ANO4: variants seen among roughly 807,000 people sequenced by gnomAD.
ANO4 encodes the protein anoctamin-4.
ANO4 carries 69 observed loss-of-function variants against 141.9 expected under a neutral mutation model. The observed-to-expected ratio is 0.49, with a 90% confidence interval of 0.40 to 0.59. The LOEUF (loss-of-function observed/expected upper bound fraction) is 0.59. Among genes scored for constraint, ANO4 ranks in the 20% least tolerant of loss-of-function variants. The pLI is 0.00. For synonymous variants in ANO4, 350 were observed against 394.3 expected (o/e 0.89, Z 1.33); for missense variants, 894 against 1,162.2 (o/e 0.77, Z 3.36).
intron 3 of ANO4, among the ~76,000 whole-genome samples, chr12:100,935,149 A>G (rs2042233399): frequency 1.3e-5 from 2 of 152,168 alleles, no homozygotes; most frequent in South Asian, 4.1e-4. Flanking sequence ...GTGGTGAGAG[A>G]GGGCATCCTT....
At chr12:100,897,328 AG>A (rs1378354332) in intron 1 of ANO4, among the ~76,000 whole-genome samples, 1 of 152,248 alleles carries the variant, frequency 6.6e-6, no homozygotes, top group Non-Finnish European at 1.5e-5. Flanking sequence ...TTCTGACCTC[AG>A]GGAGCCTAGG....
At chr12:100,802,312 A>T (rs182269075) in intron 1 of ANO4, among the ~76,000 whole-genome samples, 78 of 152,340 alleles carry the variant, frequency 5.1e-4, no homozygotes, top group Non-Finnish European at 8.4e-4. Flanking sequence ...TAGGTGAAAA[A>T]GTGGCTTGGA....
intron 2 of ANO4, among the ~76,000 whole-genome samples, 176 bp downstream of exon 2, chr12:100,902,016 A>G (rs1030946237): frequency 2.0e-5 from 3 of 152,248 alleles, no homozygotes; most frequent in African/African-American, 7.2e-5. Flanking sequence ...ACCAAGACGA[A>G]TAAGAGGGGA....
chr12:100,974,707 T>G, intron 6 of ANO4, 138 bp from the exon 7 acceptor site: 1 of 883,844 alleles, frequency 1.1e-6, no homozygotes, highest in East Asian at 2.4e-5. Flanking sequence ...TATTTCTCAC[T>G]GTTAATCTCT....
intron 1 of ANO4, among the ~76,000 whole-genome samples, chr12:100,832,082 G>C (rs1484786595): frequency 6.6e-6 from 1 of 152,002 alleles, no homozygotes; most frequent in African/African-American, 2.4e-5. Context: ...CCAGTTTCAG[G>C]TATGCACATG....
intron 13 of ANO4, among the ~76,000 whole-genome samples, chr12:101,046,179 T>G (rs1241107346): frequency 2.0e-5 from 3 of 152,244 alleles, no homozygotes; most frequent in Non-Finnish European, 4.4e-5. Flanking sequence ...CAAAGCAGAA[T>G]TGGGCACTTT....
At chr12:101,088,282 C>G (rs1207355808) in intron 17 of ANO4, among the ~76,000 whole-genome samples, 1 of 152,110 alleles carries the variant, frequency 6.6e-6, no homozygotes, top group African/African-American at 2.4e-5. Flanking sequence ...CGCTTAGTCC[C>G]TCACCTCCTT....
intron 4 of ANO4, among the ~76,000 whole-genome samples, chr12:100,940,233 A>G (rs1290639034): frequency 2.6e-5 from 4 of 151,480 alleles, no homozygotes; most frequent in East Asian, 1.9e-4. Context: ...AAAAAAAAAC[A>G]CTCATTCTGT....
chr12:101,041,748 T>C (rs929643245), intron 11 of ANO4, among the ~76,000 whole-genome samples: 1 of 152,114 alleles, frequency 6.6e-6, no homozygotes, highest in Admixed American at 6.6e-5. Context: ...GGCCATAAGT[T>C]TTACAGTAAT....
intron 8 of ANO4, among the ~76,000 whole-genome samples, chr12:101,009,261 G>A (rs551704894): frequency 6.6e-6 from 1 of 152,196 alleles, no homozygotes; most frequent in African/African-American, 2.4e-5. Flanking sequence ...AAGATCATGT[G>A]AAGACATATA....
At chr12:100,754,003 T>A (rs2032501532) in intron 3 of ANO4, among the ~76,000 whole-genome samples, 1 of 152,170 alleles carries the variant, frequency 6.6e-6, no homozygotes, top group East Asian at 1.9e-4. Context: ...GCAGTCATCA[T>A]CCCTCAGTTC....
At chr12:100,903,967 C>G (rs1361636349) in intron 2 of ANO4, among the ~76,000 whole-genome samples, 1 of 152,166 alleles carries the variant, frequency 6.6e-6, no homozygotes, top group African/African-American at 2.4e-5. Flanking sequence ...CTGTTTCATG[C>G]CTCCCAACCT....
intron 1 of ANO4, among the ~76,000 whole-genome samples, chr12:100,728,753 T>C (rs2031248217): frequency 6.6e-6 from 1 of 152,214 alleles, no homozygotes; most frequent in Non-Finnish European, 1.5e-5. Flanking sequence ...CTAGGTACTT[T>C]TACAGAATTT....
chr12:100,773,506 C>A (rs1045004469), intron 3 of ANO4, among the ~76,000 whole-genome samples: 1 of 152,226 alleles, frequency 6.6e-6, no homozygotes, highest in Non-Finnish European at 1.5e-5. Context: ...CAGTGGTTAA[C>A]TGAACACCTG....
intron 1 of ANO4, among the ~76,000 whole-genome samples, chr12:100,804,631 A>G (rs2034891565): frequency 6.6e-6 from 1 of 152,166 alleles, no homozygotes; most frequent in South Asian, 2.1e-4. Context: ...TTGACTTTTT[A>G]GTAATCACCC....
intron 1 of ANO4, among the ~76,000 whole-genome samples, chr12:100,726,641 A>G (rs1347958032): frequency 6.6e-6 from 1 of 152,234 alleles, no homozygotes; most frequent in Non-Finnish European, 1.5e-5. Flanking sequence ...CAGGTGGTGC[A>G]GCTGCTGCTG....
chr12:100,719,459 C>T (rs2030761765), intron 1 of ANO4, among the ~76,000 whole-genome samples: 1 of 152,172 alleles, frequency 6.6e-6, no homozygotes, highest in Admixed American at 6.5e-5. Flanking sequence ...CTGGAACCCT[C>T]CGCAAATCTT....
chr12:100,958,882 A>G lies in ANO4; in HGVS notation c.457-12424A>G, dbSNP rs1170200044. Among the ~76,000 whole-genome samples, 3 of 152,292 alleles carry G rather than the reference A, an allele frequency of 2.0e-5. No homozygotes were observed. The East Asian group carries it at 5.8e-4, about 29-fold the overall frequency. ...ACAAACAAACAAAAAAGAAGGTGAT[A>G]AATGACATGGCACAAGAAAAACCAG... is the stretch of plus-strand genomic sequence containing the variant. On this transcript the variant is annotated intron_variant, in intron 5 of 27. Coordinates refer to ENST00000392977, the MANE Select transcript of ANO4 (RefSeq NM_001286615.2).
At chr12:100,719,180 A>G (rs565645481) in intron 1 of ANO4, among the ~76,000 whole-genome samples, 2 of 152,350 alleles carry the variant, frequency 1.3e-5, no homozygotes, top group Admixed American at 6.5e-5. Flanking sequence ...GAACTGAAGC[A>G]TATTTCAATA....
Sources: gnomAD v4.1 joint callset for allele counts (sites outside exome capture counted in the v4.1 genomes callset) on GRCh38, gnomAD v4.1.1 for gene constraint, MANE v1.5 for transcripts, NCBI Gene and HGNC (gene_info 2026-07-23, HGNC 2026-07-21) for gene names.